LPCAT1: variants seen among roughly 807,000 people sequenced by gnomAD.
The protein encoded by LPCAT1 is 1-acylglycerol-3-phosphate O-acyltransferase.
In LPCAT1, 23 loss-of-function variants were observed where a neutral mutation model predicts 60.9. The observed-to-expected ratio is 0.38, with a 90% CI of 0.27 to 0.53. LPCAT1 has a LOEUF of 0.53. LPCAT1 is among the 20% of genes least tolerant of loss of function. LPCAT1 has a pLI of 0.82. For synonymous variants in LPCAT1, 340 were observed against 301.1 expected (o/e 1.13, Z -1.34); for missense variants, 622 against 723.6 (o/e 0.86, Z 1.61).
chr5:1,520,970 C>G (rs1326478523), intron 1 of LPCAT1, among the ~76,000 whole-genome samples: 3 of 151,710 alleles, frequency 2.0e-5, no homozygotes, highest in Non-Finnish European at 4.4e-5. Flanking sequence ...AGGAAAGTAC[C>G]GAGAAAACCC....
intron 1 of LPCAT1, among the ~76,000 whole-genome samples, chr5:1,509,751 C>G (rs1314195802): frequency 6.6e-6 from 1 of 152,192 alleles, no homozygotes; most frequent in Non-Finnish European, 1.5e-5. Flanking sequence ...ATGGAATCAG[C>G]GATCACGCCC....
intron 1 of LPCAT1, among the ~76,000 whole-genome samples, chr5:1,508,674 A>G (rs955240434): frequency 1.3e-5 from 2 of 152,222 alleles, no homozygotes; most frequent in Non-Finnish European, 2.9e-5. Flanking sequence ...AAGACACTTG[A>G]CATATGTTTG....
chr5:1,522,512 G>C lies in LPCAT1; in HGVS notation c.135+1198C>G, dbSNP rs1321631140. 6.6e-6 allele frequency among the ~76,000 whole-genome samples: 1 copy of C among 152,176 alleles called. No individual in the cohort carries two copies. Among genetic ancestry groups the C allele is most frequent in the Non-Finnish European group, 1.5e-5 (1 of 68,032 alleles). On this transcript the variant is annotated intron_variant, in intron 1 of 13. Coordinates refer to ENST00000283415, the MANE Select transcript of LPCAT1 (RefSeq NM_024830.5). The surrounding 1 kb of genome is among the most constrained non-coding windows in gnomAD (Gnocchi z 6.8). ...ACGACCTCACCCTGTGTGTCACCAGGAGGGGCGGCACCATCGGGCTCTCCT... is the reference window on the plus strand; with the variant it reads ...ACGACCTCACCCTGTGTGTCACCAGCAGGGGCGGCACCATCGGGCTCTCCT...
intron 1 of LPCAT1, among the ~76,000 whole-genome samples, chr5:1,520,970 C>T (rs1326478523): frequency 6.6e-6 from 1 of 151,710 alleles, no homozygotes; most frequent in Non-Finnish European, 1.5e-5. Flanking sequence ...AGGAAAGTAC[C>T]GAGAAAACCC....
intron 1 of LPCAT1, among the ~76,000 whole-genome samples, chr5:1,509,342 C>T (rs1736284195): frequency 6.6e-6 from 1 of 152,266 alleles, no homozygotes; most frequent in South Asian, 2.1e-4. Context: ...CCCAACTCCA[C>T]AGGATATGCG....
At position 1,496,987 on chromosome 5, in the gene LPCAT1, C is replaced by T. The variant is rs1247462352; in HGVS notation, c.279-2073G>A. Reference sequence around the variant, plus strand: ...ATCAGCACCCCCAGGAAATCCACTCCGTCCTACCGCCCTCACACGGACGAC... The same window carrying T: ...ATCAGCACCCCCAGGAAATCCACTCTGTCCTACCGCCCTCACACGGACGAC... On this transcript the variant is annotated intron_variant, in intron 2 of 13. Transcript: ENST00000283415. The surrounding 1 kb of genome is among the most constrained non-coding windows in gnomAD (Gnocchi z 4.7). 1.3e-5 allele frequency among the ~76,000 whole-genome samples: 2 copies of T among 152,146 alleles called. No individual in the cohort carries two copies. The highest frequency in any genetic ancestry group is 2.4e-5 in the African/African-American group (1 of 41,430).
chr5:1,479,475 C>G (rs537078748), intron 8 of LPCAT1, 146 bp downstream of exon 8: 2 of 667,220 alleles, frequency 3.0e-6, no homozygotes, highest in Non-Finnish European at 5.5e-6. Flanking sequence ...AGAGGCTCCT[C>G]GAAGGAGCCC....
At chr5:1,489,255 A>G (rs528910068) in intron 4 of LPCAT1, among the ~76,000 whole-genome samples, 2 of 152,364 alleles carry the variant, frequency 1.3e-5, no homozygotes, top group South Asian at 4.1e-4. Flanking sequence ...CAGTTCTGTA[A>G]AATTTCCAGC....
chr5:1,498,243 C>T (rs1189783898), intron 2 of LPCAT1, among the ~76,000 whole-genome samples: 4 of 152,202 alleles, frequency 2.6e-5, no homozygotes, highest in Non-Finnish European at 4.4e-5. Context: ...CCTCCTGATC[C>T]CTTACGTCCC....
At position 1,521,996 on chromosome 5, in the gene LPCAT1, A is replaced by C. The variant is rs1736691375; in HGVS notation, c.135+1714T>G. Reference sequence around the variant, plus strand: ...GGCTGCAACTATGACAGGGATGACGAAGTGGCCTCCGGGGACCTCCAGGGA... The same window carrying C: ...GGCTGCAACTATGACAGGGATGACGCAGTGGCCTCCGGGGACCTCCAGGGA... On this transcript the variant is annotated intron_variant, in intron 1 of 13. Transcript: ENST00000283415. This position sits in a 1 kb window ranked among gnomAD's most constrained non-coding sequence, Gnocchi z 4.3. Among the ~76,000 whole-genome samples, 1 of 152,100 alleles carries C rather than the reference A, an allele frequency of 6.6e-6. No individual in the cohort carries two copies. Among genetic ancestry groups the C allele is most frequent in the South Asian group, 2.1e-4 (1 of 4,824 alleles).
chr5:1,496,547 C>T lies in LPCAT1; in HGVS notation c.279-1633G>A, dbSNP rs1464193537. Among the ~76,000 whole-genome samples the T allele has an allele frequency of 6.6e-6, 1 of 151,934 alleles. No individual in the cohort carries two copies. Among genetic ancestry groups the T allele is most frequent in the East Asian group, 1.9e-4 (1 of 5,190 alleles). On this transcript the variant is annotated intron_variant, in intron 2 of 13. Coordinates refer to ENST00000283415, the MANE Select transcript of LPCAT1 (RefSeq NM_024830.5). The surrounding 1 kb of genome is among the most constrained non-coding windows in gnomAD (Gnocchi z 4.7). ...GGCTGCGGCGGGCACAGGAGCCAGTCTCGGGCAGGTTCAGGGGCAGGAGAG... is the reference window on the plus strand; with the variant it reads ...GGCTGCGGCGGGCACAGGAGCCAGTTTCGGGCAGGTTCAGGGGCAGGAGAG...
chr5:1,511,109 C>G (rs373451609), intron 1 of LPCAT1, among the ~76,000 whole-genome samples: 18 of 152,342 alleles, frequency 1.2e-4, no homozygotes, highest in East Asian at 1.2e-3. Context: ...CCCCATATCC[C>G]AGCAAGAAGA....
Position 1,480,188 on chromosome 5 carries a change from G to C in LPCAT1, c.762-513C>G, listed in dbSNP as rs1420409276. On this transcript the variant is annotated intron_variant, in intron 7 of 13. Coordinates refer to ENST00000283415, the MANE Select transcript of LPCAT1 (RefSeq NM_024830.5). This position sits in a 1 kb window ranked among gnomAD's most constrained non-coding sequence, Gnocchi z 6.4. ...ACCCTCTTTCTGCCCTGTCATGCCA[G>C]CCCCAGCCCTAGGCCCCCGGGACCC... 1 of 275,164 alleles carries C rather than the reference G, an allele frequency of 3.6e-6. No homozygotes were observed. Among genetic ancestry groups the C allele is most frequent in the Non-Finnish European group, 5.5e-6 (1 of 180,792 alleles). The allele number at this position is 275,164 out of a possible 1,614,324, so 17.0% of individuals were successfully genotyped here. A position where few individuals can be genotyped will look rare whatever the true frequency, so the allele number is the denominator to read the frequency against.
rs1247103011 is a variant in LPCAT1 at position 1,466,846 on chromosome 5, C to T, written c.1323G>A (p.Leu441=). The T allele has an allele frequency of 2.5e-6, 4 of 1,611,084 alleles. No homozygotes were observed. Among genetic ancestry groups the T allele is most frequent in the Non-Finnish European group, 3.4e-6 (4 of 1,178,240 alleles). Reference sequence around the variant, plus strand: ...CCAGGGCCGTCTTGAGGATGCAGGACAGGTCACCTTCGCCGACGCTGCCGT... The same window carrying T: ...CCAGGGCCGTCTTGAGGATGCAGGATAGGTCACCTTCGCCGACGCTGCCGT... ...QEDGSVGEGD[L]SCILKTALGV... Residue 441 remains leucine (L), a synonymous_variant, in exon 13 of 14, where the codon CTG becomes CTA. Transcript: ENST00000283415.
chr5:1,479,688 T>C lies in LPCAT1; in HGVS notation c.762-13A>G. The C allele has an allele frequency of 1.9e-6, 3 of 1,602,000 alleles. No individual in the cohort carries two copies. Among genetic ancestry groups the C allele is most frequent in the Non-Finnish European group, 2.6e-6 (3 of 1,169,172 alleles). ...CAGGATTTCCAGCCTTAAAAACAGA[T>C]TGCACAATGTTGAGCAGATTTACAA... On this transcript the variant is annotated splice_polypyrimidine_tract_variant and intron_variant, in intron 7 of 13. Transcript: ENST00000283415.
intron 12 of LPCAT1, among the ~76,000 whole-genome samples, chr5:1,468,731 C>T (rs1306577716): frequency 2.0e-5 from 3 of 152,250 alleles, no homozygotes; most frequent in Non-Finnish European, 2.9e-5. Context: ...TGAAGCACAT[C>T]GGTGCGCTGC....
rs185791897 is a variant in LPCAT1, at chr5:1,502,235, C to T, written c.136-632G>A. Reference sequence around the variant, plus strand: ...CACACAACCCCAGGCAGCTCCACCCCGCAGGACGCACCCCCAGGCAGCTCC... The same window carrying T: ...CACACAACCCCAGGCAGCTCCACCCTGCAGGACGCACCCCCAGGCAGCTCC... On this transcript the variant is annotated intron_variant, in intron 1 of 13. Coordinates refer to ENST00000283415, the MANE Select transcript of LPCAT1 (RefSeq NM_024830.5). The surrounding 1 kb of genome is among the most constrained non-coding windows in gnomAD (Gnocchi z 5.5). Among the ~76,000 whole-genome samples the T allele has an allele frequency of 6.6e-5, 10 of 152,246 alleles. No homozygotes were observed. Among genetic ancestry groups the T allele is most frequent in the Admixed American group, 3.9e-4 (6 of 15,302 alleles).
intron 1 of LPCAT1, among the ~76,000 whole-genome samples, chr5:1,509,877 C>T (rs760962347): frequency 1.3e-5 from 2 of 152,200 alleles, no homozygotes; most frequent in African/African-American, 2.4e-5. Flanking sequence ...ACCTTTGGAG[C>T]CCGAGGCACG....
rs1736671265 is a variant in LPCAT1 at position 1,521,314 on chromosome 5, G to T, written c.135+2396C>A. On this transcript the variant is annotated intron_variant, in intron 1 of 13. Transcript: ENST00000283415. This position sits in a 1 kb window ranked among gnomAD's most constrained non-coding sequence, Gnocchi z 4.3. ...AGACACACAGCAGCCCCTCCCAGGCGGCAAATGCTCACAGGTAAATGCAGG... is the reference window on the plus strand; with the variant it reads ...AGACACACAGCAGCCCCTCCCAGGCTGCAAATGCTCACAGGTAAATGCAGG... 5 of 985,274 alleles carry T rather than the reference G, an allele frequency of 5.1e-6. No individual in the cohort carries two copies. The South Asian group carries it at 1.9e-4, about 37-fold the overall frequency. The allele number at this position is 985,274 out of a possible 1,614,324, so 61.0% of individuals were successfully genotyped here.
Sources: gnomAD v4.1 joint callset for allele counts (sites outside exome capture counted in the v4.1 genomes callset) on GRCh38, gnomAD v4.1.1 for gene constraint, Gnocchi (gnomAD v3.1) non-coding constraint, MANE v1.5 for transcripts, NCBI Gene and HGNC (gene_info 2026-07-23, HGNC 2026-07-21) for gene names.